KLHL31: variants seen among roughly 807,000 people sequenced by gnomAD.
KLHL31 encodes the protein kelch like family member 31, also known as kelch-like protein 31.
Under a neutral mutation model 47.1 loss-of-function variants are expected in KLHL31, and 32 were observed. That is an observed-to-expected ratio of 0.68 (90% CI 0.51 to 0.91). KLHL31 has a LOEUF of 0.91. Ranked by LOEUF, KLHL31 falls within the 40% of genes least tolerant of loss-of-function variation. The pLI is 0.00. For synonymous variants in KLHL31, 330 were observed against 325.1 expected (o/e 1.01, Z -0.16); for missense variants, 797 against 819.3 (o/e 0.97, Z 0.33).
intron 1 of KLHL31, among the ~76,000 whole-genome samples, chr6:53,659,918 T>C (rs1764621663): frequency 6.6e-6 from 1 of 152,210 alleles, no homozygotes; most frequent in African/African-American, 2.4e-5. Flanking sequence ...CTGACCTTCA[T>C]GCTGCTCCTG....
chr6:53,654,919 T>C lies in KLHL31; in HGVS notation c.354A>G (p.Pro118=). The C allele has an allele frequency of 1.2e-6, 2 of 1,614,142 alleles. No individual in the cohort carries two copies. The highest frequency in any genetic ancestry group is 1.6e-4 in the Middle Eastern group (1 of 6,062). The part of the protein sequence containing the change: ...IQRVDLNDIS[P]LGLATVIAYA... ...ATGCAATGACAGTGGCCAGGCCTAGTGGTGAGATATCATTGAGATCCACCC... is the reference window on the plus strand; with the variant it reads ...ATGCAATGACAGTGGCCAGGCCTAGCGGTGAGATATCATTGAGATCCACCC... Residue 118 remains proline (P), a synonymous_variant, in exon 2 of 3, where the codon CCA becomes CCG. Coordinates refer to ENST00000370905, the MANE Select transcript of KLHL31 (RefSeq NM_001003760.5).
Position 53,654,686 on chromosome 6 carries a change from C to G in KLHL31, c.587G>C (p.Arg196Pro), listed in dbSNP as rs371217283. ...NAKAAAQKFI[R>P]DNFLEFAESD... The stretch of plus-strand genomic sequence containing the variant: ...TTCTGCAAATTCAAGGAAGTTATCC[C>G]GAATAAATTTCTGGGCTGCTGCTTT... Residue 196 changes from arginine to proline, a missense_variant, in exon 2 of 3, where the codon CGG (arginine) becomes CCG (proline). Coordinates refer to ENST00000370905, the MANE Select transcript of KLHL31 (RefSeq NM_001003760.5). 5.0e-6 allele frequency: 8 copies of G among 1,613,988 alleles called. No homozygotes were observed. The highest frequency in any genetic ancestry group is 6.8e-6 in the Non-Finnish European group (8 of 1,180,018).
At chr6:53,663,314 C>T (rs912391528) in intron 1 of KLHL31, among the ~76,000 whole-genome samples, 1 of 152,132 alleles carries the variant, frequency 6.6e-6, no homozygotes, top group African/African-American at 2.4e-5. Context: ...TGAAATGGTT[C>T]GTTCTGGTTC....
intron 1 of KLHL31, among the ~76,000 whole-genome samples, chr6:53,658,174 C>A (rs1044695266): frequency 2.6e-5 from 4 of 152,040 alleles, no homozygotes; most frequent in African/African-American, 4.8e-5. Context: ...ATTAGAGACA[C>A]AAGACATGGC....
intron 1 of KLHL31, among the ~76,000 whole-genome samples, chr6:53,664,106 A>G (rs1764685457): frequency 6.6e-6 from 1 of 152,208 alleles, no homozygotes; most frequent in African/African-American, 2.4e-5. Flanking sequence ...GAACTGAGAC[A>G]AGGTTTCTTT....
chr6:53,652,447 G>A (rs765367489), intron 2 of KLHL31, 117 bp from the exon 3 acceptor site: 22 of 1,265,282 alleles, frequency 1.7e-5, no homozygotes, highest in Non-Finnish European at 2.4e-5. Flanking sequence ...CGAGGGACCT[G>A]GCCCAGCACC....
intron 1 of KLHL31, among the ~76,000 whole-genome samples, chr6:53,658,042 C>T (rs1231117637): frequency 6.6e-6 from 1 of 152,088 alleles, no homozygotes; most frequent in Non-Finnish European, 1.5e-5. Context: ...TGTTGAGTGT[C>T]TCTTTGTTGG....
chr6:53,654,937 A>G lies in KLHL31; in HGVS notation c.336T>C (p.Asp112=). 2 of 1,614,124 alleles carry G rather than the reference A, an allele frequency of 1.2e-6. No individual in the cohort carries two copies. The change falls in exon 2 of 3, where the codon GAT becomes GAC. Residue 112 remains aspartate, a synonymous_variant. Transcript: ENST00000370905. ...LKKDPSIQRV[D]LNDISPLGLA... ...GGCCTAGTGGTGAGATATCATTGAG[A>G]TCCACCCTCTGAATTGACGGGTCTT...
Position 53,648,196 on chromosome 6 carries a change from C to T in KLHL31, c.*3402G>A, listed in dbSNP as rs141965087. The stretch of plus-strand genomic sequence containing the variant: ...TTAGATTGTTTAATTCTTATAATTA[C>T]GAATAAAGGACTGTTTGGAAAATTA... On this transcript the variant is annotated 3_prime_UTR_variant, in exon 3 of 3. Coordinates refer to ENST00000370905, the MANE Select transcript of KLHL31 (RefSeq NM_001003760.5). The T allele has an allele frequency of 2.2e-4, 34 of 152,566 alleles. No homozygotes were observed. Among genetic ancestry groups the T allele is most frequent in the African/African-American group, 7.5e-4 (31 of 41,490 alleles). 9.5% of individuals were successfully genotyped at this position (152,566 alleles called of 1,614,324 possible).
chr6:53,661,413 C>T (rs1017285345), intron 1 of KLHL31, among the ~76,000 whole-genome samples: 3 of 152,064 alleles, frequency 2.0e-5, no homozygotes, highest in African/African-American at 7.2e-5. Context: ...AAACACACAC[C>T]CACCCAGACA....
rs1386409202 is a variant in KLHL31 at position 53,648,433 on chromosome 6, T to G, written c.*3165A>C. The G allele has an allele frequency of 6.6e-6, 1 of 152,170 alleles. No individual in the cohort carries two copies. The highest frequency in any genetic ancestry group is 2.4e-5 in the African/African-American group (1 of 41,456). The allele number at this position is 152,170 out of a possible 1,614,324, so 9.4% of individuals were successfully genotyped here. A position where few individuals can be genotyped will look rare whatever the true frequency, so the allele number is the denominator to read the frequency against. On this transcript the variant is annotated 3_prime_UTR_variant, in exon 3 of 3. Transcript: ENST00000370905. ...TAACTTGGATGAGTTCTGAAGACAC[T>G]TGGCCAGGATAACCAGCAAAAAAAT...
Position 53,655,275 on chromosome 6 carries a change from T to G in KLHL31, c.-3A>C, listed in dbSNP as rs1764543375. On this transcript the variant is annotated 5_prime_UTR_variant, in exon 2 of 3. Transcript: ENST00000370905. ...ACAATCTTCTTTTTGGGTGCCATGT[T>G]GGCAAATACACTGTTACAGGCAAGA... 1.3e-6 allele frequency: 2 copies of G among 1,549,768 alleles called. No individual in the cohort carries two copies. The highest frequency in any genetic ancestry group is 1.7e-6 in the Non-Finnish European group (2 of 1,151,554).
rs1399071912 is a variant in KLHL31, at chr6:53,654,300, G to C, written c.973C>G (p.Pro325Ala). Residue 325 changes from proline (P) to alanine (A), a missense_variant, in exon 2 of 3, where the codon CCA (proline) becomes GCA (alanine). Coordinates refer to ENST00000370905, the MANE Select transcript of KLHL31 (RefSeq NM_001003760.5). ...CTAAGGGACTTCTCAGTAAGGCCTG[G>C]GCGTCCCCCAACAGTGACGAGGACT... ...CRVLVTVGGRPGLTEKSLSRD... is the reference protein window; with the variant it reads ...CRVLVTVGGRAGLTEKSLSRD... 6.2e-7 allele frequency: 1 copy of C among 1,614,038 alleles called. No homozygotes were observed. The highest frequency in any genetic ancestry group is 8.5e-7 in the Non-Finnish European group (1 of 1,180,044).
chr6:53,649,454 C>A lies in KLHL31; in HGVS notation c.*2144G>T, dbSNP rs1376237437. 1 of 152,128 alleles carries A rather than the reference C, an allele frequency of 6.6e-6. No individual in the cohort carries two copies. The allele number at this position is 152,128 out of a possible 1,614,324, so 9.4% of individuals were successfully genotyped here. A position where few individuals can be genotyped will look rare whatever the true frequency, so the allele number is the denominator to read the frequency against. On this transcript the variant is annotated 3_prime_UTR_variant, in exon 3 of 3. Transcript: ENST00000370905. ...GTAATTTTAAATGATTTATCCAGCA[C>A]TAACATGTCTCCAGTTTCATCTCTA... is the stretch of plus-strand genomic sequence containing the variant.
In KLHL31 at chr6:53,649,127, A is replaced by G. The variant is rs1328549340; in HGVS notation, c.*2471T>C. ...GAGCAACTGCTTCAATAGTTGGTGT[A>G]AAGAATATGTTTCACTTACACATGA... On this transcript the variant is annotated 3_prime_UTR_variant, in exon 3 of 3. Transcript: ENST00000370905. 1 of 152,186 alleles carries G rather than the reference A, an allele frequency of 6.6e-6. No homozygotes were observed. The highest frequency in any genetic ancestry group is 1.5e-5 in the Non-Finnish European group (1 of 68,004). 9.4% of individuals were successfully genotyped at this position (152,186 alleles called of 1,614,324 possible).
At chr6:53,655,695 C>T (rs1186496411) in intron 1 of KLHL31, among the ~76,000 whole-genome samples, 1 of 151,006 alleles carries the variant, frequency 6.6e-6, no homozygotes, top group African/African-American at 2.4e-5. Flanking sequence ...CAACCTCTGC[C>T]TCCCGGGTTC....
At position 53,655,068 on chromosome 6, in the gene KLHL31, C is replaced by T. The variant is rs1764538836; in HGVS notation, c.205G>A (p.Glu69Lys). 6.2e-7 allele frequency: 1 copy of T among 1,613,826 alleles called. No individual in the cohort carries two copies. The highest frequency in any genetic ancestry group is 1.3e-5 in the African/African-American group (1 of 74,912). ...ATGACTAAGTCACATAGGAAGTTCTCCTGCCGCATTTTACTTAAACCTTCC... is the reference window on the plus strand; with the variant it reads ...ATGACTAAGTCACATAGGAAGTTCTTCTGCCGCATTTTACTTAAACCTTCC... The part of the protein sequence containing the change: ...LLEGLSKMRQ[E>K]NFLCDLVIGT... The change falls in exon 2 of 3, where the codon GAG becomes AAG. Residue 69 changes from glutamate (E) to lysine (K), a missense_variant. By Grantham distance (56) the Glu-to-Lys change is moderately conservative. Transcript: ENST00000370905.
At position 53,654,525 on chromosome 6, in the gene KLHL31, A is replaced by G. The variant is rs759046832; in HGVS notation, c.748T>C (p.Tyr250His). The change falls in exon 2 of 3, where the codon TAC becomes CAC. Residue 250 changes from tyrosine (Y) to histidine (H), a missense_variant. Coordinates refer to ENST00000370905, the MANE Select transcript of KLHL31 (RefSeq NM_001003760.5). ...WLEFDQKRVK[Y>H]AADLLSNIRF... ...ATATTGCTCAAAAGATCTGCAGCGT[A>G]TTTTACTCTCTTTTGGTCAAATTCT... is the stretch of plus-strand genomic sequence containing the variant. The G allele has an allele frequency of 6.2e-7, 1 of 1,614,080 alleles. No homozygotes were observed. The highest frequency in any genetic ancestry group is 8.5e-7 in the Non-Finnish European group (1 of 1,180,046).
At chr6:53,655,609 C>CT (rs11358787) in intron 1 of KLHL31, among the ~76,000 whole-genome samples, 27 of 114,242 alleles carry the variant, frequency 2.4e-4, no homozygotes, top group African/African-American at 3.3e-4. Context: ...TTCTTTTTTT[C>CT]TTTTTTTTTT....
Sources: gnomAD v4.1 joint callset for allele counts (sites outside exome capture counted in the v4.1 genomes callset) on GRCh38, gnomAD v4.1.1 for gene constraint, MANE v1.5 for transcripts, NCBI Gene and HGNC (gene_info 2026-07-23, HGNC 2026-07-21) for gene names.